LSAMP: variants seen among roughly 807,000 people sequenced by gnomAD.
LSAMP encodes limbic system-associated membrane protein.
Under a neutral mutation model 38.6 loss-of-function variants are expected in LSAMP, and 7 were observed. That is an observed-to-expected ratio of 0.18 (90% CI 0.10 to 0.34). The LOEUF (loss-of-function observed/expected upper bound fraction) is 0.34. Among genes scored for constraint, LSAMP ranks in the 10% least tolerant of loss-of-function variants. The probability of loss-of-function intolerance (pLI) is 1.00; values close to 1 mark genes in which losing one functional copy is unlikely to be tolerated. For synonymous variants in LSAMP, 154 were observed against 166.8 expected (o/e 0.92, Z 0.59); for missense variants, 313 against 420.0 (o/e 0.75, Z 2.23).
intron 6 of LSAMP, chr3:115,814,288 G>A (rs1368659264): frequency 6.6e-6 from 1 of 152,166 alleles, no homozygotes; most frequent in African/African-American, 2.4e-5. Flanking sequence ...ACCCCAAGGT[G>A]GAATAAGTTA....
intron 1 of LSAMP, among the ~76,000 whole-genome samples, chr3:116,177,729 T>A (rs1710383776): frequency 6.6e-6 from 1 of 152,208 alleles, no homozygotes. Flanking sequence ...GTTTCTCTTG[T>A]GGCCTAGATG....
At chr3:115,981,330 T>G (rs1006417152) in intron 3 of LSAMP, among the ~76,000 whole-genome samples, 2 of 152,152 alleles carry the variant, frequency 1.3e-5, no homozygotes, top group East Asian at 3.8e-4. Flanking sequence ...CATGTAAAGC[T>G]AGACCTTTTG....
chr3:115,818,752 A>ATT (rs1415468305), intron 6 of LSAMP, among the ~76,000 whole-genome samples: 2 of 133,574 alleles, frequency 1.5e-5, no homozygotes, highest in Admixed American at 7.8e-5. Flanking sequence ...TATATAATAA[A>ATT]TTATATATAT....
chr3:116,060,394 A>C (rs751976054), intron 2 of LSAMP, among the ~76,000 whole-genome samples: 1 of 152,172 alleles, frequency 6.6e-6, no homozygotes, highest in Non-Finnish European at 1.5e-5. Flanking sequence ...AGGTAGTTTC[A>C]AAATCTGAGA....
chr3:115,893,558 C>T (rs2107463656), intron 3 of LSAMP, among the ~76,000 whole-genome samples: 1 of 152,050 alleles, frequency 6.6e-6, no homozygotes, highest in African/African-American at 2.4e-5. Context: ...CCTTTTAAAA[C>T]TATCAATTTT....
intron 1 of LSAMP, among the ~76,000 whole-genome samples, chr3:116,099,938 G>A (rs912939354): frequency 6.6e-6 from 1 of 151,922 alleles, no homozygotes; most frequent in Non-Finnish European, 1.5e-5. Flanking sequence ...AGATATTTGA[G>A]GGTACCTCAA....
intron 1 of LSAMP, among the ~76,000 whole-genome samples, chr3:116,268,816 G>A (rs909195091): frequency 5.3e-5 from 8 of 151,864 alleles, no homozygotes; most frequent in Admixed American, 6.6e-5. Context: ...GTAGGATGAA[G>A]GACAGCTTGG....
At chr3:116,147,385 C>T (rs1709513996) in intron 1 of LSAMP, among the ~76,000 whole-genome samples, 1 of 151,788 alleles carries the variant, frequency 6.6e-6, no homozygotes, top group South Asian at 2.1e-4. Flanking sequence ...TCATTGTTCT[C>T]TGTCTGTCAT....
At chr3:116,326,990 G>C (rs571964757) in intron 1 of LSAMP, among the ~76,000 whole-genome samples, 9 of 152,248 alleles carry the variant, frequency 5.9e-5, no homozygotes, top group African/African-American at 2.2e-4. Flanking sequence ...GAGAAGGGTG[G>C]AGACCATAGC....
chr3:116,376,059 T>C (rs1484865630), intron 1 of LSAMP, among the ~76,000 whole-genome samples: 1 of 152,050 alleles, frequency 6.6e-6, no homozygotes, highest in Non-Finnish European at 1.5e-5. Context: ...TACAGCAGCA[T>C]GAACTTTTCA....
At chr3:115,938,395 A>G (rs1234841347) in intron 3 of LSAMP, among the ~76,000 whole-genome samples, 2 of 152,190 alleles carry the variant, frequency 1.3e-5, no homozygotes, top group Non-Finnish European at 2.9e-5. Context: ...TTAACCATTT[A>G]GTTTCCCCAT....
chr3:116,177,348 C>T (rs1710372152), intron 1 of LSAMP, among the ~76,000 whole-genome samples: 1 of 151,996 alleles, frequency 6.6e-6, no homozygotes, highest in African/African-American at 2.4e-5. Context: ...CAAAATCAAA[C>T]AAGAGACATC....
intron 6 of LSAMP, among the ~76,000 whole-genome samples, chr3:115,826,306 G>A (rs1256472317): frequency 6.6e-6 from 1 of 151,608 alleles, no homozygotes; most frequent in South Asian, 2.1e-4. Flanking sequence ...TAGTAGAGAC[G>A]GGGTTTCACC....
At chr3:115,927,425 GCCT>G (rs1474915610) in intron 3 of LSAMP, among the ~76,000 whole-genome samples, 10 of 152,232 alleles carry the variant, frequency 6.6e-5, no homozygotes, top group African/African-American at 2.4e-4. Flanking sequence ...AGCTTTCTAT[GCCT>G]CCTCCTCCTA....
intron 1 of LSAMP, among the ~76,000 whole-genome samples, chr3:116,122,132 C>T (rs1708890017): frequency 6.6e-6 from 1 of 152,000 alleles, no homozygotes; most frequent in Non-Finnish European, 1.5e-5. Context: ...TAGGGGAAGG[C>T]TAACAAAATA....
At chr3:116,211,282 G>A (rs1472053782) in intron 1 of LSAMP, among the ~76,000 whole-genome samples, 2 of 152,138 alleles carry the variant, frequency 1.3e-5, no homozygotes, top group Non-Finnish European at 2.9e-5. Context: ...ATAATATGAT[G>A]ACTATAGTTC....
At chr3:116,182,761 T>C (rs1370514226) in intron 1 of LSAMP, among the ~76,000 whole-genome samples, 1 of 151,870 alleles carries the variant, frequency 6.6e-6, no homozygotes, top group Non-Finnish European at 1.5e-5. Flanking sequence ...ATCTGAATTT[T>C]AGGAGAGAGT....
chr3:115,861,523 G>T (rs542385657), intron 3 of LSAMP, among the ~76,000 whole-genome samples: 1 of 52,076 alleles, frequency 1.9e-5, no homozygotes, highest in Non-Finnish European at 4.1e-5. Flanking sequence ...TCCCCCTGGC[G>T]GTAGGAGAAG....
chr3:116,342,812 T>G (rs1420860508), intron 1 of LSAMP, among the ~76,000 whole-genome samples: 3 of 152,130 alleles, frequency 2.0e-5, no homozygotes, highest in Non-Finnish European at 4.4e-5. Flanking sequence ...AGATATGCTC[T>G]ATTGGAAGCA....
Sources: gnomAD v4.1 joint callset for allele counts (sites outside exome capture counted in the v4.1 genomes callset) on GRCh38, gnomAD v4.1.1 for gene constraint, MANE v1.5 for transcripts, NCBI Gene and HGNC (gene_info 2026-07-23, HGNC 2026-07-21) for gene names.